The following NOL6 variants were observed in gnomAD, a reference collection of about 807,000 sequenced individuals.
NOL6 encodes nucleolar RNA-associated protein.
A neutral mutation model predicts 131.7 loss-of-function variants in NOL6; 33 were observed. That is an observed-to-expected ratio of 0.25 (90% confidence interval 0.19 to 0.33). NOL6 has a LOEUF of 0.33. Among genes scored for constraint, NOL6 ranks in the 10% least tolerant of loss-of-function variants. NOL6 has a pLI of 1.00. For synonymous variants in NOL6, 580 were observed against 605.7 expected, an observed-to-expected ratio of 0.96 and a Z score of 0.62; for missense variants, 1,297 against 1,494.5, an observed-to-expected ratio of 0.87 and a Z score of 2.18.
In NOL6 at chr9:33,462,046, CT is replaced by C; in HGVS notation, c.*617del. The C allele has an allele frequency of 1.4e-6, 1 of 692,342 alleles. No individual in the cohort carries two copies. The highest frequency in any genetic ancestry group is 2.7e-6 in the Non-Finnish European group (1 of 369,214). 42.9% of individuals were successfully genotyped at this position (692,342 alleles called of 1,614,324 possible). A position where few individuals can be genotyped will look rare whatever the true frequency, so the allele number is the denominator to read the frequency against. ...CCCTGACCCCTTCACCTACCCAATC[CT>C]TTCCTGTCCTCGGTTCTTTTCCACT... is the stretch of plus-strand genomic sequence containing the variant. On this transcript the variant is annotated 3_prime_UTR_variant, in exon 26 of 26. Transcript: ENST00000297990.
In NOL6 at chr9:33,467,868, A is replaced by G. The variant is rs768161168; in HGVS notation, c.1425T>C (p.His475=). ...CCTGCAGGCGACTCAGTGGACGGAG[A>G]CTGGAGGGGTACAAAGGGCCAAAGA... ...PMIRAFDHVL[H]LRPLSRLQAA... Residue 475 remains histidine, a splice_region_variant and synonymous_variant, in exon 12 of 26, where the codon CAT becomes CAC. Transcript: ENST00000297990. The surrounding 1 kb of genome is among the most constrained non-coding windows in gnomAD (Gnocchi z 4.4). 6.3e-7 allele frequency: 1 copy of G among 1,588,074 alleles called. No homozygotes were observed. The highest frequency in any genetic ancestry group is 1.3e-5 in the African/African-American group (1 of 74,454).
rs1432457410 is a variant in NOL6 at position 33,465,127 on chromosome 9, GT to G, written c.2681+79del. 2.6e-6 allele frequency: 4 copies of G among 1,521,464 alleles called. No individual in the cohort carries two copies. The African/African-American group carries it at 5.5e-5, about 21-fold the overall frequency. 94.2% of individuals were successfully genotyped at this position (1,521,464 alleles called of 1,614,324 possible). A position where few individuals can be genotyped will look rare whatever the true frequency, so the allele number is the denominator to read the frequency against. ...CACTTGCTCAACCACCCATTCCCAT[GT>G]AGACTTAGGGTGCAGCACGAAGGAT... On this transcript the variant is annotated intron_variant, in intron 20 of 25. Transcript: ENST00000297990.
chr9:33,465,495 G>A (rs868373633), intron 19 of NOL6, 136 bp from the exon 20 acceptor site: 34 of 1,161,214 alleles, frequency 2.9e-5, no homozygotes, highest in Middle Eastern at 2.7e-4. Flanking sequence ...GCACCAAGAA[G>A]TTGACCCTAG....
chr9:33,469,823 A>G lies in NOL6; in HGVS notation c.559-156T>C, dbSNP rs1827358770. The stretch of plus-strand genomic sequence containing the variant: ...CTAGGCCCAGTTCTCATATCTGGAG[A>G]GCAAAGCTCCAAAAGGACAGCAACT... On this transcript the variant is annotated intron_variant, in intron 4 of 25. Coordinates refer to ENST00000297990, the MANE Select transcript of NOL6 (RefSeq NM_022917.5). The G allele has an allele frequency of 2.8e-6, 3 of 1,063,394 alleles. No homozygotes were observed. In the African/African-American group the frequency reaches 4.8e-5, roughly 17 times the overall value. 65.9% of individuals were successfully genotyped at this position (1,063,394 alleles called of 1,614,324 possible).
At chr9:33,469,158 C>T (rs766080662) in intron 6 of NOL6, 37 bp from the exon 7 acceptor site, 4 of 1,613,924 alleles carry the variant, frequency 2.5e-6, no homozygotes, top group Middle Eastern at 1.6e-4. Flanking sequence ...GAGGAAAAGT[C>T]CCCACACCTC....
At position 33,468,147 on chromosome 9, in the gene NOL6, TG is replaced by T. The variant is rs773318996; in HGVS notation, c.1309-3del. 4.2e-5 allele frequency: 67 copies of T among 1,614,082 alleles called. No homozygotes were observed. The highest frequency in any genetic ancestry group is 5.4e-5 in the Non-Finnish European group (64 of 1,180,048). On this transcript the variant is annotated splice_polypyrimidine_tract_variant and splice_region_variant and intron_variant, in intron 10 of 25. Transcript: ENST00000297990. The stretch of plus-strand genomic sequence containing the variant: ...AGACAGCCGTGCCTCATGCTGTACC[TG>T]GAGCCACAGAAGGGACCATCCCTGT...
chr9:33,463,221 A>G (rs370068631), intron 24 of NOL6, 26 bp downstream of exon 24: 3 of 1,612,582 alleles, frequency 1.9e-6, no homozygotes, highest in South Asian at 1.1e-5. Context: ...TCCCCTCCCC[A>G]GGTCATTCAG....
intron 20 of NOL6, 36 bp downstream of exon 20, chr9:33,465,171 A>T: frequency 6.4e-7 from 1 of 1,570,512 alleles, no homozygotes; most frequent in Non-Finnish European, 8.6e-7. Flanking sequence ...GGCCGCAAGG[A>T]AACTTCTCAG....
At chr9:33,465,420 C>T (rs942066926) in intron 19 of NOL6, 61 bp from the exon 20 acceptor site, 11 of 1,519,940 alleles carry the variant, frequency 7.2e-6, no homozygotes, top group Middle Eastern at 1.7e-4. Flanking sequence ...TTCATCCAGC[C>T]CCTACCCAAG....
rs746961203 is a variant in NOL6 at position 33,464,916 on chromosome 9, G to A, written c.2742C>T (p.Asn914=). The A allele has an allele frequency of 3.7e-6, 6 of 1,613,914 alleles. No individual in the cohort carries two copies. The East Asian group carries it at 1.1e-4, about 30-fold the overall frequency. ...LFLVSTFDWK[N]NPLFVNLNNE... Reference sequence around the variant, plus strand: ...TATTGAGGTTGACAAAGAGGGGGTTGTTCTTCCAATCAAACGTTGATACCA... The same window carrying A: ...TATTGAGGTTGACAAAGAGGGGGTTATTCTTCCAATCAAACGTTGATACCA... Residue 914 remains asparagine (N), a synonymous_variant, in exon 21 of 26, where the codon AAC becomes AAT. Transcript: ENST00000297990.
chr9:33,464,005 C>A (rs1203294173), intron 22 of NOL6, 32 bp downstream of exon 22: 1 of 1,612,568 alleles, frequency 6.2e-7, no homozygotes, highest in Admixed American at 1.7e-5. Context: ...GGGAAGAAAA[C>A]CACACATTAG....
Position 33,464,847 on chromosome 9 carries a change from T to C in NOL6, c.2779+32A>G, listed in dbSNP as rs756554702. On this transcript the variant is annotated intron_variant, in intron 21 of 25. Coordinates refer to ENST00000297990, the MANE Select transcript of NOL6 (RefSeq NM_022917.5). ...CCTGCAATCCATAAAGAGCTGTTCT[T>C]CCAGCAGTCTGACCCCTGTTCTACC... The C allele has an allele frequency of 4.0e-6, 6 of 1,499,906 alleles. No homozygotes were observed. The South Asian group carries it at 6.8e-5, about 17-fold the overall frequency. 92.9% of individuals were successfully genotyped at this position (1,499,906 alleles called of 1,614,324 possible). A position where few individuals can be genotyped will look rare whatever the true frequency, so the allele number is the denominator to read the frequency against.
chr9:33,468,338 C>T lies in NOL6; in HGVS notation c.1291G>A (p.Ala431Thr), dbSNP rs1326857011. The T allele has an allele frequency of 3.1e-6, 5 of 1,613,822 alleles. No individual in the cohort carries two copies. The highest frequency in any genetic ancestry group is 1.6e-4 in the Middle Eastern group (1 of 6,084). ...GHLNLCADVT[A>T]STYHQVQHEA... ...ATTGGTACCTGGTGGTAAGTAGAGG[C>T]AGTGACATCAGCACAGAGGTTGAGA... The change falls in exon 10 of 26, where the codon GCC becomes ACC. Residue 431 changes from alanine (A) to threonine (T), a missense_variant. Physicochemically the swap from Ala to Thr is moderately conservative, Grantham distance 58. Coordinates refer to ENST00000297990, the MANE Select transcript of NOL6 (RefSeq NM_022917.5).
At position 33,473,794 on chromosome 9, in the gene NOL6, G is replaced by C. The variant is rs761312474; in HGVS notation, c.49C>G (p.Pro17Ala). ...TCCCCGATGGCTCAACCCACCTCTGGCTCTCCAGTCGCTCCGCGAAGCTGC... is the reference window on the plus strand; with the variant it reads ...TCCCCGATGGCTCAACCCACCTCTGCCTCTCCAGTCGCTCCGCGAAGCTGC... The part of the protein sequence containing the change: ...GEQLRGATGE[P>A]EVMEPALEGT... The change falls in exon 1 of 26, where the codon CCA becomes GCA. Residue 17 changes from proline to alanine, a missense_variant. By Grantham distance (27) the Pro-to-Ala change is conservative (BLOSUM62 -1). Coordinates refer to ENST00000297990, the MANE Select transcript of NOL6 (RefSeq NM_022917.5). 15 of 1,611,874 alleles carry C rather than the reference G, an allele frequency of 9.3e-6. No homozygotes were observed. In the South Asian group the frequency reaches 1.5e-4, roughly 17 times the overall value.
rs759767101 is a variant in NOL6, at chr9:33,463,851, G to A, written c.2974C>T (p.Arg992Trp). 1.8e-5 allele frequency: 29 copies of A among 1,613,902 alleles called. No individual in the cohort carries two copies. Among genetic ancestry groups the A allele is most frequent in the African/African-American group, 4.0e-5 (3 of 74,858 alleles). ...CTTACCCTGATGTCCCCAGGTCCCC[G>A]GGGATCCATGAGCTGCTTCTCTAAC... ...PMLEKQLMDP[R>W]GPGDIRTVFR... Residue 992 changes from arginine (R) to tryptophan (W), a missense_variant, in exon 23 of 26, where the codon CGG becomes TGG. Physicochemically the swap from Arg to Trp is moderately radical, Grantham distance 101 (BLOSUM62 -3). Coordinates refer to ENST00000297990, the MANE Select transcript of NOL6 (RefSeq NM_022917.5).
chr9:33,461,357 T>C lies in NOL6; in HGVS notation c.*1307A>G, dbSNP rs1480780039. On this transcript the variant is annotated 3_prime_UTR_variant, in exon 26 of 26. Transcript: ENST00000297990. The stretch of plus-strand genomic sequence containing the variant: ...GCTAGGAAGGACACGAAGAAGTCTA[T>C]GTTCAAACATGTTCTTGCCCTCAAG... 1.3e-5 allele frequency: 2 copies of C among 152,272 alleles called. No individual in the cohort carries two copies. Among genetic ancestry groups the C allele is most frequent in the East Asian group, 1.9e-4 (1 of 5,204 alleles). 9.4% of individuals were successfully genotyped at this position (152,272 alleles called of 1,614,324 possible).
intron 18 of NOL6, 64 bp downstream of exon 18, chr9:33,466,007 T>C: frequency 6.4e-7 from 1 of 1,559,580 alleles, no homozygotes; most frequent in Non-Finnish European, 8.7e-7. Flanking sequence ...GGTGTCTTCT[T>C]CCACGCCCTG....
In NOL6 at chr9:33,467,028, A is replaced by T; in HGVS notation, c.1875-41T>A. 6.2e-7 allele frequency: 1 copy of T among 1,613,886 alleles called. No individual in the cohort carries two copies. The highest frequency in any genetic ancestry group is 8.5e-7 in the Non-Finnish European group (1 of 1,179,852). On this transcript the variant is annotated intron_variant, in intron 14 of 25. Transcript: ENST00000297990. This position sits in a 1 kb window ranked among gnomAD's most constrained non-coding sequence, Gnocchi z 4.4. ...AGACACAGTGAGAAAATTTGGGGCT[A>T]TGTTCTCGCTCAACTGCCTGGGCCA...
chr9:33,462,561 A>G lies in NOL6; in HGVS notation c.*103T>C. 1 of 1,342,366 alleles carries G rather than the reference A, an allele frequency of 7.4e-7. No homozygotes were observed. The allele number at this position is 1,342,366 out of a possible 1,614,324, so 83.2% of individuals were successfully genotyped here. A position where few individuals can be genotyped will look rare whatever the true frequency, so the allele number is the denominator to read the frequency against. On this transcript the variant is annotated 3_prime_UTR_variant, in exon 26 of 26. Transcript: ENST00000297990. ...AGCATGTTCAGCCAGCAGGCCCTCC[A>G]TGGAGGATTCATGTCCAAGGAGGGT...
Sources: gnomAD v4.1 joint callset for allele counts on GRCh38, gnomAD v4.1.1 for gene constraint, Gnocchi (gnomAD v3.1) non-coding constraint, MANE v1.5 for transcripts, NCBI Gene and HGNC (gene_info 2026-07-23, HGNC 2026-07-21) for gene names.